The following MAST4 variants were observed in gnomAD, a reference collection of about 807,000 sequenced individuals.
The protein encoded by MAST4 is microtubule-associated serine/threonine-protein kinase 4.
Under a neutral mutation model 162.7 loss-of-function variants are expected in MAST4, and 89 were observed. The ratio of observed to expected loss-of-function variants is 0.55; its 90% confidence interval spans 0.46 to 0.65. The LOEUF (loss-of-function observed/expected upper bound fraction) is 0.65, where lower values mean the gene tolerates loss of function less well. Among genes scored for constraint, MAST4 ranks in the 30% least tolerant of loss-of-function variants. The pLI, the probability that MAST4 is intolerant of heterozygous loss-of-function variation, is 0.00. For synonymous variants in MAST4, 1,479 were observed against 1,361.1 expected (o/e 1.09, Z -1.91); for missense variants, 3,153 against 3,374.0 (o/e 0.93, Z 1.62).
At chr5:66,668,871 G>T (rs1233212086) in intron 1 of MAST4, among the ~76,000 whole-genome samples, 1 of 152,152 alleles carries the variant, frequency 6.6e-6, no homozygotes, top group East Asian at 1.9e-4. Context: ...ACAGCTCCTG[G>T]TTGCTGAGAG....
chr5:67,018,373 A>G (rs1425350933), intron 4 of MAST4, among the ~76,000 whole-genome samples: 1 of 152,120 alleles, frequency 6.6e-6, no homozygotes, highest in Admixed American at 6.6e-5. Context: ...TCCATAAAAA[A>G]TTTTAAACAT....
At chr5:67,003,484 C>T (rs562312275) in intron 4 of MAST4, among the ~76,000 whole-genome samples, 2 of 152,322 alleles carry the variant, frequency 1.3e-5, no homozygotes, top group Admixed American at 6.5e-5. Context: ...CCTCTTCCTT[C>T]TCTTTATCCT....
chr5:67,012,159 G>C (rs1194843363), intron 4 of MAST4, among the ~76,000 whole-genome samples: 1 of 152,138 alleles, frequency 6.6e-6, no homozygotes, highest in Non-Finnish European at 1.5e-5. Context: ...AGAAGCTCAA[G>C]TAATACCTTT....
chr5:66,984,680 T>C (rs1749263257), intron 4 of MAST4, among the ~76,000 whole-genome samples: 1 of 151,356 alleles, frequency 6.6e-6, no homozygotes, highest in Non-Finnish European at 1.5e-5. Context: ...AATAGTGAAA[T>C]TGGAGAGAAG....
At position 66,723,313 on chromosome 5, in the gene MAST4, A is replaced by C. The variant is rs1751329538; in HGVS notation, c.364-36396A>C. ...AATTGAAATGATTCTTCCTAAACACAGTGGGATCTATTTTAGATTCTGGAA... is the reference window on the plus strand; with the variant it reads ...AATTGAAATGATTCTTCCTAAACACCGTGGGATCTATTTTAGATTCTGGAA... On this transcript the variant is annotated intron_variant, in intron 1 of 28. Transcript: ENST00000403625. 2.6e-5 allele frequency among the ~76,000 whole-genome samples: 4 copies of C among 152,180 alleles called. No individual in the cohort carries two copies. The South Asian group carries it at 8.3e-4, about 31-fold the overall frequency.
intron 4 of MAST4, 64 bp from the exon 5 acceptor site, chr5:67,054,340 A>G (rs1581365310): frequency 7.3e-7 from 1 of 1,376,670 alleles, no homozygotes; most frequent in East Asian, 2.5e-5. Context: ...TCTACCGGGA[A>G]CATGGTTGAA....
intron 4 of MAST4, among the ~76,000 whole-genome samples, chr5:66,921,676 T>G (rs1405624624): frequency 6.6e-6 from 1 of 152,168 alleles, no homozygotes; most frequent in Non-Finnish European, 1.5e-5. Context: ...GGAGGATGGC[T>G]TGAGCCTGGG....
chr5:66,911,547 A>C (rs1238765501), intron 4 of MAST4, among the ~76,000 whole-genome samples: 1 of 112,794 alleles, frequency 8.9e-6, no homozygotes, highest in Non-Finnish European at 1.8e-5. Flanking sequence ...ACAAACAAAC[A>C]AACAACAACA....
At chr5:66,957,606 G>A (rs531682590) in intron 4 of MAST4, among the ~76,000 whole-genome samples, 2 of 150,804 alleles carry the variant, frequency 1.3e-5, no homozygotes, top group African/African-American at 5.0e-5. Flanking sequence ...GGTTCTGTGA[G>A]CTCACACTGA....
chr5:66,988,069 T>C (rs142406313), intron 4 of MAST4, among the ~76,000 whole-genome samples: 142 of 152,320 alleles, frequency 9.3e-4, no homozygotes, highest in African/African-American at 3.4e-3. Flanking sequence ...TTCACTTAAG[T>C]TTACCATCCT....
chr5:67,127,162 A>T (rs1768345211), intron 14 of MAST4, among the ~76,000 whole-genome samples: 1 of 152,236 alleles, frequency 6.6e-6, no homozygotes, highest in Non-Finnish European at 1.5e-5. Flanking sequence ...CTAAATATAC[A>T]GTCATGTCAT....
At chr5:67,007,961 C>T (rs1216948742) in intron 4 of MAST4, among the ~76,000 whole-genome samples, 1 of 152,224 alleles carries the variant, frequency 6.6e-6, no homozygotes, top group Non-Finnish European at 1.5e-5. Context: ...GTCCCTTGTG[C>T]TACGTCCCAA....
chr5:66,734,875 A>G (rs929434205), intron 1 of MAST4, among the ~76,000 whole-genome samples: 1 of 152,134 alleles, frequency 6.6e-6, no homozygotes, highest in African/African-American at 2.4e-5. Flanking sequence ...CACCCCTTGC[A>G]GTGTTGTTCT....
At chr5:66,642,608 G>A (rs550442537) in intron 1 of MAST4, among the ~76,000 whole-genome samples, 4 of 152,254 alleles carry the variant, frequency 2.6e-5, no homozygotes, top group East Asian at 1.9e-4. Flanking sequence ...AATGACTGCC[G>A]ATTTGTAATG....
In MAST4 at chr5:67,166,784, C is replaced by T. The variant is rs1003019231; in HGVS notation, c.7605C>T (p.His2535=). 2 of 1,602,358 alleles carry T rather than the reference C, an allele frequency of 1.2e-6. No individual in the cohort carries two copies. The highest frequency in any genetic ancestry group is 1.3e-5 in the African/African-American group (1 of 74,642). ...CCACCCTGCCTCTGGAGTCACACCA[C>T]CCCGACCCAAACACCATGGGCGGGG... ...RVSTLPLESH[H]PDPNTMGGAS... Residue 2535 remains histidine, a synonymous_variant, in exon 29 of 29, where the codon CAC becomes CAT. Transcript: ENST00000403625.
chr5:67,008,144 T>G (rs1412653289), intron 4 of MAST4, among the ~76,000 whole-genome samples: 1 of 152,208 alleles, frequency 6.6e-6, no homozygotes, highest in Non-Finnish European at 1.5e-5. Flanking sequence ...CCTCATTTCC[T>G]CAAGGTAGTC....
chr5:67,060,662 A>G (rs374075019), intron 5 of MAST4, among the ~76,000 whole-genome samples: 2 of 152,102 alleles, frequency 1.3e-5, no homozygotes, highest in African/African-American at 4.8e-5. Flanking sequence ...TATTTTTAGT[A>G]GAGACGGGGT....
chr5:67,144,654 T>A lies in MAST4; in HGVS notation c.2731-15T>A. ...TTTAGTAGATATTAATAAGCACCAA[T>A]TATTTGCCTTCCAGGTTTTCAGCAG... On this transcript the variant is annotated splice_polypyrimidine_tract_variant and intron_variant, in intron 21 of 28. Coordinates refer to ENST00000403625, the MANE Select transcript of MAST4 (RefSeq NM_001164664.2). The A allele has an allele frequency of 6.2e-7, 1 of 1,612,082 alleles. No homozygotes were observed. Among genetic ancestry groups the A allele is most frequent in the African/African-American group, 1.3e-5 (1 of 74,954 alleles).
At chr5:66,850,695 A>G (rs1011107102) in intron 3 of MAST4, among the ~76,000 whole-genome samples, 4 of 152,192 alleles carry the variant, frequency 2.6e-5, no homozygotes, top group Non-Finnish European at 5.9e-5. Flanking sequence ...CTTTTCCCCA[A>G]GGTGTCTCAT....
Sources: gnomAD v4.1 joint callset for allele counts (sites outside exome capture counted in the v4.1 genomes callset) on GRCh38, gnomAD v4.1.1 for gene constraint, MANE v1.5 for transcripts, NCBI Gene and HGNC (gene_info 2026-07-23, HGNC 2026-07-21) for gene names.